CCNA1: variants seen among roughly 807,000 people sequenced by gnomAD.
CCNA1 encodes cyclin A1, also known as cyclin-A1.
Under a neutral mutation model 54.1 loss-of-function variants are expected in CCNA1, and 23 were observed. The observed-to-expected ratio is 0.42, with a 90% CI of 0.31 to 0.60. CCNA1 has a LOEUF of 0.60. Ranked by LOEUF, CCNA1 falls within the 20% of genes least tolerant of loss-of-function variation. The pLI, the probability that CCNA1 is intolerant of heterozygous loss-of-function variation, is 0.14. For missense variants in CCNA1, 450 were observed against 556.7 expected (o/e 0.81, Z 1.93); for synonymous variants, 208 against 213.9 (o/e 0.97, Z 0.24).
At chr13:36,434,833 C>G (rs111344786) in intron 2 of CCNA1, among the ~76,000 whole-genome samples, 16 of 148,996 alleles carry the variant, frequency 1.1e-4, no homozygotes, top group East Asian at 5.9e-4. Flanking sequence ...GGTGCCCCCC[C>G]CCCCGCGCCA....
In CCNA1 at chr13:36,442,253, A is replaced by G. The variant is rs772784183; in HGVS notation, c.1295A>G (p.Asp432Gly). The G allele has an allele frequency of 2.5e-6, 4 of 1,613,958 alleles. No individual in the cohort carries two copies. The African/African-American group carries it at 4.0e-5, about 16-fold the overall frequency. The change falls in exon 8 of 9, where the codon GAT (aspartate) becomes GGT (glycine). Residue 432 changes from aspartate to glycine, a missense_variant. By Grantham distance (94) the Asp-to-Gly change is moderately conservative. Coordinates refer to ENST00000255465, the MANE Select transcript of CCNA1 (RefSeq NM_003914.4). ...AGTGAGCTTCATAAAGCGTACCTTG[A>G]TATACCCCATCGACCTCAGCAAGCA...
intron 8 of CCNA1, 124 bp downstream of exon 8, chr13:36,442,428 C>G (rs2055886705): frequency 1.7e-6 from 2 of 1,177,802 alleles, no homozygotes; most frequent in African/African-American, 1.6e-5. Context: ...AGTAAGGGTA[C>G]GTGTACAAAT....
At chr13:36,441,679 G>A (rs1593327644) in intron 7 of CCNA1, among the ~76,000 whole-genome samples, 1 of 152,214 alleles carries the variant, frequency 6.6e-6, no homozygotes, top group East Asian at 1.9e-4. Flanking sequence ...ATCAGAAATG[G>A]ACCCCTAGGT....
At chr13:36,441,282 G>A (rs374495663) in intron 7 of CCNA1, 51 bp downstream of exon 7, 3 of 1,143,448 alleles carry the variant, frequency 2.6e-6, no homozygotes, top group Non-Finnish European at 1.3e-6. Flanking sequence ...TCTAGAATGG[G>A]CTTGCCTCTT....
chr13:36,438,016 G>T, intron 3 of CCNA1, 51 bp from the exon 4 acceptor site: 2 of 1,598,422 alleles, frequency 1.3e-6, no homozygotes, highest in South Asian at 1.1e-5. Flanking sequence ...TTAGTGGATT[G>T]AACAAATGTT....
chr13:36,433,406 C>A lies in CCNA1; in HGVS notation c.297+185C>A, dbSNP rs1393885257. Reference sequence around the variant, plus strand: ...TCTTTCTTTCTTTCTTTCTTTCTTTCTTTCTTTCTTTCTTTCTTTCTTTCT... The same window carrying A: ...TCTTTCTTTCTTTCTTTCTTTCTTTATTTCTTTCTTTCTTTCTTTCTTTCT... On this transcript the variant is annotated intron_variant, in intron 2 of 8. Transcript: ENST00000255465. 9.6e-5 allele frequency among the ~76,000 whole-genome samples: 11 copies of A among 114,846 alleles called. 1 individual carries two copies. The highest frequency in any genetic ancestry group is 3.5e-4 in the African/African-American group (11 of 31,158). 75.3% of individuals were successfully genotyped at this position (114,846 alleles called of 152,430 possible). A position where few individuals can be genotyped will look rare whatever the true frequency, so the allele number is the denominator to read the frequency against.
chr13:36,432,795 C>G (rs1346743392), intron 1 of CCNA1, 66 bp downstream of exon 1: 29 of 1,171,454 alleles, frequency 2.5e-5, no homozygotes, highest in Middle Eastern at 4.5e-4. Context: ...CAGCCCAACA[C>G]GAAGTCTTGG....
chr13:36,432,537 G>A lies in CCNA1; in HGVS notation c.-85G>A, dbSNP rs1221256327. On this transcript the variant is annotated 5_prime_UTR_variant, in exon 1 of 9. Coordinates refer to ENST00000255465, the MANE Select transcript of CCNA1 (RefSeq NM_003914.4). ...AGAAAGATAACGACGGGAAGAGCGGGGCCCGCTTTGGGGTCCAGGCAGGTT... is the reference window on the plus strand; with the variant it reads ...AGAAAGATAACGACGGGAAGAGCGGAGCCCGCTTTGGGGTCCAGGCAGGTT... 6.9e-6 allele frequency: 5 copies of A among 725,002 alleles called. No homozygotes were observed. Among genetic ancestry groups the A allele is most frequent in the Non-Finnish European group, 6.9e-6 (3 of 433,246 alleles). 44.9% of individuals were successfully genotyped at this position (725,002 alleles called of 1,614,324 possible).
At chr13:36,442,526 A>T in intron 8 of CCNA1, 88 bp from the exon 9 acceptor site, 2 of 1,365,250 alleles carry the variant, frequency 1.5e-6, no homozygotes, top group Admixed American at 1.8e-5. Flanking sequence ...CCATTCTGTT[A>T]AAACTACTGG....
intron 6 of CCNA1, among the ~76,000 whole-genome samples, chr13:36,440,490 G>A (rs1240239084): frequency 1.3e-5 from 2 of 152,066 alleles, no homozygotes; most frequent in Admixed American, 6.6e-5. Context: ...TTATAGAGTG[G>A]GAACAAAGTA....
chr13:36,438,889 A>G (rs772941083), intron 5 of CCNA1, 22 bp downstream of exon 5: 8 of 1,553,178 alleles, frequency 5.2e-6, no homozygotes, highest in South Asian at 3.3e-5. Context: ...TTCAGCTTGC[A>G]TAATATGAAA....
intron 2 of CCNA1, 54 bp downstream of exon 2, chr13:36,433,275 T>G: frequency 1.4e-6 from 2 of 1,455,174 alleles, no homozygotes; most frequent in Non-Finnish European, 1.9e-6. Context: ...CTCTCCTGCT[T>G]TGGTGCCAGG....
intron 2 of CCNA1, among the ~76,000 whole-genome samples, chr13:36,433,424 TTCTTTCTTTC>T (rs2055752708): frequency 7.9e-6 from 1 of 126,354 alleles, no homozygotes; most frequent in African/African-American, 2.8e-5. Context: ...CTTTCTTTCT[TTCTTTCTTTC>T]TTTCTTTCGT....
chr13:36,433,438 CTTTCGTTCTTTCTTTCTTTCT>C (rs1566169700), intron 2 of CCNA1, among the ~76,000 whole-genome samples: 3,589 of 81,186 alleles, frequency 0.044, 142 homozygotes, highest in Non-Finnish European at 0.061. Context: ...TTCTTTCTTT[CTTTCGTTCTTTCTTTCTTTCT>C]TTTCTTTCTC....
At chr13:36,441,327 A>G (rs2055872223) in intron 7 of CCNA1, 96 bp downstream of exon 7, 3 of 688,132 alleles carry the variant, frequency 4.4e-6, no homozygotes, top group Non-Finnish European at 7.7e-6. Context: ...GATCTGGTCA[A>G]CTTGACAGCA....
chr13:36,432,753 C>A, intron 1 of CCNA1, 24 bp downstream of exon 1: 1 of 1,415,102 alleles, frequency 7.1e-7, no homozygotes, highest in Non-Finnish European at 1.0e-6. Flanking sequence ...AGTATCCCGA[C>A]TTGGAGGCTT....
chr13:36,434,462 A>G (rs2055775914), intron 2 of CCNA1, among the ~76,000 whole-genome samples: 1 of 152,106 alleles, frequency 6.6e-6, no homozygotes, highest in East Asian at 1.9e-4. Context: ...TTGCTTAGCA[A>G]TGTTTGCTTT....
At position 36,433,447 on chromosome 13, in the gene CCNA1, T is replaced by G. The variant is rs549773019; in HGVS notation, c.297+226T>G. On this transcript the variant is annotated intron_variant, in intron 2 of 8. Transcript: ENST00000255465. Reference sequence around the variant, plus strand: ...CTTTCTTTCTTTCTTTCTTTCGTTCTTTCTTTCTTTCTTTTCTTTCTCTTT... The same window carrying G: ...CTTTCTTTCTTTCTTTCTTTCGTTCGTTCTTTCTTTCTTTTCTTTCTCTTT... 9.8e-3 allele frequency among the ~76,000 whole-genome samples: 703 copies of G among 71,974 alleles called. 13 individuals are homozygous for G. Among genetic ancestry groups the G allele is most frequent in the Middle Eastern group, 0.022 (3 of 134 alleles). The allele number at this position is 71,974 out of a possible 152,430, so 47.2% of individuals were successfully genotyped here.
chr13:36,436,225 A>T (rs879662687), intron 2 of CCNA1, among the ~76,000 whole-genome samples: 1 of 152,236 alleles, frequency 6.6e-6, no homozygotes, highest in Admixed American at 6.5e-5. Context: ...GCCAATTCTT[A>T]GATCAGCCTT....
Sources: gnomAD v4.1 joint callset for allele counts (sites outside exome capture counted in the v4.1 genomes callset) on GRCh38, gnomAD v4.1.1 for gene constraint, MANE v1.5 for transcripts, NCBI Gene and HGNC (gene_info 2026-07-23, HGNC 2026-07-21) for gene names.